UNC13C: variants seen among roughly 807,000 people sequenced by gnomAD.
The protein encoded by UNC13C is protein unc-13 homolog C.
UNC13C carries 174 observed loss-of-function variants against 245.4 expected under a neutral mutation model. The observed-to-expected ratio is 0.71, with a 90% CI of 0.63 to 0.80. The LOEUF (loss-of-function observed/expected upper bound fraction) is 0.80, where lower values mean the gene tolerates loss of function less well. UNC13C is among the 30% of genes least tolerant of loss of function. UNC13C has a pLI of 0.00. For missense variants in UNC13C, 2,829 were observed against 2,602.9 expected, an observed-to-expected ratio of 1.09 and a Z score of -1.89; for synonymous variants, 992 against 895.1, an observed-to-expected ratio of 1.11 and a Z score of -1.93.
At chr15:54,143,598 T>C (rs2032124276) in intron 3 of UNC13C, 22 bp from the exon 4 acceptor site, 4 of 1,610,396 alleles carry the variant, frequency 2.5e-6, no homozygotes, top group Non-Finnish European at 3.4e-6. Flanking sequence ...TTGTTTTGTT[T>C]TTCTCTTACT....
chr15:54,048,523 G>A, intron 2 of UNC13C: 1 of 552,634 alleles, frequency 1.8e-6, no homozygotes, highest in East Asian at 4.1e-5. Flanking sequence ...TTAGTATGTG[G>A]GCCATTTTTT....
At chr15:54,394,090 T>C (rs1280565210) in intron 18 of UNC13C, among the ~76,000 whole-genome samples, 1 of 151,906 alleles carries the variant, frequency 6.6e-6, no homozygotes, top group Admixed American at 6.6e-5. Flanking sequence ...GATAAATGAC[T>C]GTATTCTTAT....
chr15:53,986,021 T>C (rs1377643355), intron 1 of UNC13C, among the ~76,000 whole-genome samples: 4 of 152,044 alleles, frequency 2.6e-5, no homozygotes, highest in Non-Finnish European at 4.4e-5. Flanking sequence ...CCAGTGGATT[T>C]TTCAATAGCC....
At chr15:54,508,969 G>A (rs1045051113) in intron 23 of UNC13C, among the ~76,000 whole-genome samples, 2 of 152,168 alleles carry the variant, frequency 1.3e-5, no homozygotes, top group African/African-American at 4.8e-5. Flanking sequence ...GGCGGCTGAG[G>A]TGGGCAGATC....
At chr15:54,288,354 T>C (rs2140927839) in intron 10 of UNC13C, among the ~76,000 whole-genome samples, 1 of 152,222 alleles carries the variant, frequency 6.6e-6, no homozygotes, top group African/African-American at 2.4e-5. Flanking sequence ...GGGTGAGTAC[T>C]GTGAAAGGTG....
intron 2 of UNC13C, among the ~76,000 whole-genome samples, chr15:54,095,391 C>T (rs1406636364): frequency 2.6e-5 from 4 of 152,288 alleles, no homozygotes; most frequent in Middle Eastern, 3.4e-3. Flanking sequence ...CTCCAGGATC[C>T]TTCTTGGTTA....
chr15:54,609,882 A>G (rs1213049850), intron 30 of UNC13C, among the ~76,000 whole-genome samples: 1 of 152,216 alleles, frequency 6.6e-6, no homozygotes, highest in Admixed American at 6.5e-5. Context: ...GCTTCTTCAC[A>G]TGGTGACAGG....
At chr15:54,480,746 G>A (rs557707357) in intron 19 of UNC13C, among the ~76,000 whole-genome samples, 4 of 151,970 alleles carry the variant, frequency 2.6e-5, no homozygotes, top group South Asian at 2.1e-4. Flanking sequence ...GAGAATTATC[G>A]TGTTGCTTTG....
At chr15:54,046,510 A>T (rs1188302761) in intron 2 of UNC13C, among the ~76,000 whole-genome samples, 1 of 152,068 alleles carries the variant, frequency 6.6e-6, no homozygotes, top group Non-Finnish European at 1.5e-5. Flanking sequence ...ATGTTTAAAG[A>T]TTTTATATTT....
intron 17 of UNC13C, among the ~76,000 whole-genome samples, chr15:54,352,340 GTATA>G (rs34071394): frequency 4.9e-5 from 7 of 141,940 alleles, no homozygotes; most frequent in African/African-American, 1.1e-4. Flanking sequence ...TTATATAAAT[GTATA>G]TATATATATA....
chr15:54,162,105 G>T (rs1041638759), intron 4 of UNC13C, among the ~76,000 whole-genome samples: 1 of 152,108 alleles, frequency 6.6e-6, no homozygotes, highest in Admixed American at 6.5e-5. Flanking sequence ...GAGTCATATT[G>T]TTGTTACTCA....
chr15:54,392,972 C>A, intron 17 of UNC13C, 76 bp from the exon 18 acceptor site: 1 of 1,382,782 alleles, frequency 7.2e-7, no homozygotes, highest in Non-Finnish European at 9.5e-7. Context: ...CTTTGATCTT[C>A]TATTTGACAG....
At chr15:54,009,988 C>T (rs1212042437) in intron 1 of UNC13C, among the ~76,000 whole-genome samples, 2 of 152,132 alleles carry the variant, frequency 1.3e-5, no homozygotes, top group Non-Finnish European at 2.9e-5. Flanking sequence ...CTCTGCTCCC[C>T]ATCAGAGGCA....
intron 4 of UNC13C, among the ~76,000 whole-genome samples, chr15:54,186,735 G>T (rs1255378813): frequency 1.3e-5 from 2 of 151,672 alleles, no homozygotes; most frequent in East Asian, 3.9e-4. Context: ...CCTTAATCAT[G>T]CAGTGGAGAA....
chr15:54,439,133 C>G (rs1164514332), intron 19 of UNC13C, among the ~76,000 whole-genome samples: 1 of 151,872 alleles, frequency 6.6e-6, no homozygotes, highest in East Asian at 1.9e-4. Context: ...GTATAAAATC[C>G]ATCTAAACTC....
intron 17 of UNC13C, among the ~76,000 whole-genome samples, chr15:54,365,955 T>A (rs1224994089): frequency 6.6e-6 from 1 of 152,186 alleles, no homozygotes; most frequent in Non-Finnish European, 1.5e-5. Flanking sequence ...TGAAGACCCT[T>A]AGAATTATGT....
At chr15:54,429,420 A>G (rs2414304) in intron 19 of UNC13C, among the ~76,000 whole-genome samples, 22,684 of 151,684 alleles carry the variant, frequency 0.15, 1,734 homozygotes, top group Non-Finnish European at 0.17. Flanking sequence ...ATGTTATCAC[A>G]TTATCCATAA....
At chr15:54,169,434 A>G (rs1276887647) in intron 4 of UNC13C, among the ~76,000 whole-genome samples, 1 of 152,140 alleles carries the variant, frequency 6.6e-6, no homozygotes, top group East Asian at 1.9e-4. Context: ...ATTACTAACC[A>G]TCTACTAAGC....
intron 2 of UNC13C, among the ~76,000 whole-genome samples, chr15:54,125,445 A>G (rs1219552847): frequency 6.6e-6 from 1 of 152,210 alleles, no homozygotes; most frequent in East Asian, 1.9e-4. Context: ...CCCGGGCGAC[A>G]GTGTGAGATT....
Sources: allele counts gnomAD v4.1 joint callset (sites outside exome capture counted in the v4.1 genomes callset), GRCh38; gene constraint gnomAD v4.1.1; transcripts MANE v1.5; gene names NCBI Gene and HGNC (gene_info 2026-07-23, HGNC 2026-07-21).